TENM3: variants seen among roughly 807,000 people sequenced by gnomAD.
TENM3 encodes the protein teneurin-3.
Under a neutral mutation model 255.1 loss-of-function variants are expected in TENM3, and 63 were observed. The observed-to-expected ratio is 0.25, with a 90% CI of 0.20 to 0.30. The LOEUF is 0.30. TENM3 is among the 10% of genes least tolerant of loss of function. The pLI, the probability that TENM3 is intolerant of heterozygous loss-of-function variation, is 1.00. For synonymous variants in TENM3, 1,306 were observed against 1,322.3 expected, an observed-to-expected ratio of 0.99 and a Z score of 0.27; for missense variants, 2,929 against 3,461.1, an observed-to-expected ratio of 0.85 and a Z score of 3.86.
chr4:181,697,774 C>G, the TENM3 span, among the ~76,000 whole-genome samples: 116,571 of 152,118 alleles, frequency 0.77, 44,827 homozygotes, highest in Admixed American at 0.85. Context: ...GAAATGTGCA[C>G]AATAATCAGA....
rs1353993774 is a variant in TENM3, at chr4:182,256,578, G to A, written c.-76+13102G>A. Among the ~76,000 whole-genome samples the A allele has an allele frequency of 2.0e-5, 3 of 152,178 alleles. No individual in the cohort carries two copies. The East Asian group carries it at 5.8e-4, about 29-fold the overall frequency. On this transcript the variant is annotated intron_variant, in intron 1 of 27. Coordinates refer to ENST00000511685, the MANE Select transcript of TENM3 (RefSeq NM_001080477.4). ...TATAGTCCGTGAAGAATCTCAATAC[G>A]AGTTTCAGGAGTTGGTCAAGTCATC...
intron 3 of TENM3, among the ~76,000 whole-genome samples, chr4:182,554,220 G>A (rs902437707): frequency 8.6e-5 from 13 of 151,774 alleles, no homozygotes; most frequent in African/African-American, 2.4e-4. Context: ...CTTTTCTTTC[G>A]TGTTTTTATT....
the TENM3 span, among the ~76,000 whole-genome samples, chr4:181,907,620 C>T: frequency 1.3e-5 from 2 of 152,194 alleles, no homozygotes; most frequent in Non-Finnish European, 2.9e-5. Context: ...ACCTGAGAGA[C>T]AGCTCGGAGA....
intron 1 of TENM3, among the ~76,000 whole-genome samples, chr4:182,218,229 G>A (rs1275442306): frequency 2.0e-5 from 3 of 152,174 alleles, no homozygotes; most frequent in African/African-American, 7.2e-5. Flanking sequence ...ATGCAGCAGT[G>A]TAGAAAGACC....
At chr4:181,992,865 G>C in the TENM3 span, among the ~76,000 whole-genome samples, 1 of 151,986 alleles carries the variant, frequency 6.6e-6, no homozygotes, top group African/African-American at 2.4e-5. Flanking sequence ...AGAACTTCTT[G>C]ACAGATAAAA....
chr4:182,525,938 C>T (rs1365314858), intron 3 of TENM3, among the ~76,000 whole-genome samples: 1 of 152,204 alleles, frequency 6.6e-6, no homozygotes, highest in Non-Finnish European at 1.5e-5. Context: ...CAATGCCTGA[C>T]ACAGGTTTTC....
At chr4:182,768,997 A>G (rs1374113091) in intron 22 of TENM3, among the ~76,000 whole-genome samples, 2 of 152,196 alleles carry the variant, frequency 1.3e-5, no homozygotes, top group East Asian at 1.9e-4. Context: ...CCTGGAGCCT[A>G]TTGCATTGTA....
chr4:181,454,635 A>G, the TENM3 span, among the ~76,000 whole-genome samples: 4 of 52,360 alleles, frequency 7.6e-5, no homozygotes, highest in African/African-American at 4.7e-4. Context: ...TTTTTATACC[A>G]TTTTTTTCTG....
chr4:181,715,238 A>G, the TENM3 span, among the ~76,000 whole-genome samples: 1 of 152,194 alleles, frequency 6.6e-6, no homozygotes, highest in African/African-American at 2.4e-5. Context: ...TTGTAGCTGC[A>G]TAGTACTCCA....
the TENM3 span, among the ~76,000 whole-genome samples, chr4:182,071,624 T>C: frequency 1.3e-5 from 2 of 151,986 alleles, no homozygotes; most frequent in African/African-American, 2.4e-5. Flanking sequence ...GTTTTGTACA[T>C]ATTTGGGGGT....
At chr4:181,558,049 C>T in the TENM3 span, among the ~76,000 whole-genome samples, 1 of 152,094 alleles carries the variant, frequency 6.6e-6, no homozygotes, top group Admixed American at 6.5e-5. Context: ...TTAATGGTTT[C>T]CAAAGCAGTT....
the TENM3 span, among the ~76,000 whole-genome samples, chr4:181,817,550 A>C: frequency 0.034 from 5,229 of 152,276 alleles, 174 homozygotes; most frequent in East Asian, 0.2. Flanking sequence ...TGTGTTCCCC[A>C]AAATTTATGC....
chr4:181,486,696 T>A, the TENM3 span, among the ~76,000 whole-genome samples: 1 of 152,188 alleles, frequency 6.6e-6, no homozygotes, highest in African/African-American at 2.4e-5. Flanking sequence ...CAGTTTTCAT[T>A]ACCAACCTCT....
At chr4:182,634,707 T>TA (rs11395245) in intron 5 of TENM3, among the ~76,000 whole-genome samples, 67,423 of 116,126 alleles carry the variant, frequency 0.58, 19,065 homozygotes, top group East Asian at 0.82. Flanking sequence ...ACTCTGAAAT[T>TA]AAAAAAAAAA....
intron 24 of TENM3, among the ~76,000 whole-genome samples, chr4:182,783,152 G>C (rs926251690): frequency 6.6e-6 from 1 of 152,116 alleles, no homozygotes; most frequent in African/African-American, 2.4e-5. Flanking sequence ...TCCTAGTCTT[G>C]ATGGTCTTTA....
chr4:182,725,636 CTTTTT>C (rs5864795), intron 13 of TENM3, among the ~76,000 whole-genome samples: 2 of 133,674 alleles, frequency 1.5e-5, no homozygotes, highest in Admixed American at 8.1e-5. Flanking sequence ...TCTTTTTTTT[CTTTTT>C]TTTTTTTTCT....
chr4:181,649,643 G>A, the TENM3 span, among the ~76,000 whole-genome samples: 1 of 152,210 alleles, frequency 6.6e-6, no homozygotes, highest in East Asian at 1.9e-4. Flanking sequence ...CTTATAAAAG[G>A]AAGGGAAAGA....
chr4:182,018,705 T>G, the TENM3 span, among the ~76,000 whole-genome samples: 1 of 152,356 alleles, frequency 6.6e-6, no homozygotes, highest in Non-Finnish European at 1.5e-5. Flanking sequence ...AACAGTTTGC[T>G]GTTTCCTATT....
chr4:182,321,931 C>T (rs956252279), intron 1 of TENM3, among the ~76,000 whole-genome samples: 4 of 151,976 alleles, frequency 2.6e-5, no homozygotes, highest in African/African-American at 4.8e-5. Flanking sequence ...GGCAACAGAG[C>T]GAGATTCCGT....
Sources: gnomAD v4.1 joint callset for allele counts (sites outside exome capture counted in the v4.1 genomes callset) on GRCh38, gnomAD v4.1.1 for gene constraint, MANE v1.5 for transcripts, NCBI Gene and HGNC (gene_info 2026-07-23, HGNC 2026-07-21) for gene names.